Variants in PRKCB observed in about 807,000 individuals in gnomAD.
PRKCB encodes protein kinase C beta, also known as protein kinase C beta type.
PRKCB carries 13 observed loss-of-function variants against 81.5 expected under a neutral mutation model. That is an observed-to-expected ratio of 0.16 (90% CI 0.10 to 0.25). PRKCB has a LOEUF of 0.25. Among genes scored for constraint, PRKCB ranks in the 10% least tolerant of loss-of-function variants. The pLI, the probability that PRKCB is intolerant of heterozygous loss-of-function variation, is 1.00. For synonymous variants in PRKCB, 335 were observed against 321.4 expected, an observed-to-expected ratio of 1.04 and a Z score of -0.45; for missense variants, 509 against 875.7, an observed-to-expected ratio of 0.58 and a Z score of 5.29.
chr16:24,124,918 T>A (rs2141929490), intron 9 of PRKCB, among the ~76,000 whole-genome samples: 1 of 152,232 alleles, frequency 6.6e-6, no homozygotes, highest in South Asian at 2.1e-4. Flanking sequence ...TCAAAGTATA[T>A]CATGTATTCA....
intron 3 of PRKCB, among the ~76,000 whole-genome samples, chr16:24,025,385 A>T (rs1356176939): frequency 6.6e-6 from 1 of 152,232 alleles, no homozygotes; most frequent in Non-Finnish European, 1.5e-5. Context: ...TAGGGCTGTT[A>T]TGAGGATCGA....
chr16:24,064,055 G>C (rs1966004659), intron 5 of PRKCB, among the ~76,000 whole-genome samples: 2 of 151,986 alleles, frequency 1.3e-5, no homozygotes. Flanking sequence ...TTTGTTTCTA[G>C]GTGATTGTCT....
At chr16:24,015,292 GC>G (rs1371689286) in intron 3 of PRKCB, among the ~76,000 whole-genome samples, 1 of 152,164 alleles carries the variant, frequency 6.6e-6, no homozygotes, top group Non-Finnish European at 1.5e-5. Context: ...GAAAATCAAG[GC>G]TTATATAACT....
chr16:24,139,786 G>C (rs1239598502), intron 9 of PRKCB, among the ~76,000 whole-genome samples: 1 of 152,106 alleles, frequency 6.6e-6, no homozygotes. Flanking sequence ...AAAACCTTAC[G>C]TAATAAATCA....
intron 5 of PRKCB, among the ~76,000 whole-genome samples, chr16:24,085,271 G>A (rs1966298558): frequency 6.6e-6 from 1 of 151,980 alleles, no homozygotes; most frequent in Admixed American, 6.6e-5. Context: ...GTGGAGAGGA[G>A]GTCATAAGAA....
At chr16:24,098,374 T>G (rs777414679) in intron 7 of PRKCB, 8 of 152,204 alleles carry the variant, frequency 5.3e-5, no homozygotes, top group Non-Finnish European at 8.8e-5. Context: ...CTGAAATAAC[T>G]TTGCTCAGTT....
At position 24,216,893 on chromosome 16, in the gene PRKCB, G is replaced by A. The variant is rs1200168275; in HGVS notation, c.*2077G>A. 4.1e-6 allele frequency: 4 copies of A among 985,286 alleles called. No homozygotes were observed. Among genetic ancestry groups the A allele is most frequent in the Non-Finnish European group, 4.8e-6 (4 of 829,934 alleles). The allele number at this position is 985,286 out of a possible 1,614,324, so 61.0% of individuals were successfully genotyped here. A position where few individuals can be genotyped will look rare whatever the true frequency, so the allele number is the denominator to read the frequency against. On this transcript the variant is annotated 3_prime_UTR_variant, in exon 17 of 17. Coordinates refer to ENST00000643927, the MANE Select transcript of PRKCB (RefSeq NM_002738.7). ...TGGGTGTCCTGTCCAGAAAGTGCAG[G>A]GTGCTTTCTGCTCTGTAGCAAGGCA...
chr16:24,193,490 A>C (rs1967830694), intron 16 of PRKCB, among the ~76,000 whole-genome samples: 1 of 143,302 alleles, frequency 7.0e-6, no homozygotes, highest in Non-Finnish European at 1.5e-5. Context: ...TAAATAAATA[A>C]ATAAATAAAT....
At chr16:24,047,488 G>T (rs904818832) in intron 5 of PRKCB, among the ~76,000 whole-genome samples, 1 of 151,488 alleles carries the variant, frequency 6.6e-6, no homozygotes, top group South Asian at 2.1e-4. Context: ...CTATGATCTC[G>T]CTACTGCACT....
chr16:23,910,925 T>G (rs1963641884), intron 2 of PRKCB, among the ~76,000 whole-genome samples: 1 of 152,036 alleles, frequency 6.6e-6, no homozygotes. Flanking sequence ...AATCATACAA[T>G]GAATGATCCT....
At chr16:23,972,057 G>T (rs575150097) in intron 2 of PRKCB, among the ~76,000 whole-genome samples, 14 of 152,250 alleles carry the variant, frequency 9.2e-5, no homozygotes, top group Non-Finnish European at 1.5e-4. Context: ...TAGATGAATG[G>T]ATAAGCAAAC....
intron 9 of PRKCB, among the ~76,000 whole-genome samples, chr16:24,144,659 T>A (rs1199053716): frequency 1.1e-4 from 17 of 152,252 alleles, no homozygotes; most frequent in Admixed American, 1.1e-3. Flanking sequence ...TTCACTTGTT[T>A]GTTTCATGTA....
chr16:23,870,545 A>T (rs900544655), intron 2 of PRKCB, among the ~76,000 whole-genome samples: 2 of 152,206 alleles, frequency 1.3e-5, no homozygotes, highest in African/African-American at 4.8e-5. Flanking sequence ...CCTAAAGCAA[A>T]GTTTCCTTCT....
At chr16:24,214,527 C>T (rs935500374) in intron 16 of PRKCB, 131 bp from the exon 17 acceptor site, 1 of 748,146 alleles carries the variant, frequency 1.3e-6, no homozygotes, top group African/African-American at 1.8e-5. Flanking sequence ...TTTGAAACAA[C>T]CTCTCTGAGT....
chr16:23,964,179 G>A (rs1411549976), intron 2 of PRKCB, among the ~76,000 whole-genome samples: 3 of 152,216 alleles, frequency 2.0e-5, no homozygotes, highest in Admixed American at 6.5e-5. Flanking sequence ...CAAGTGCTCA[G>A]TATGTGCTCA....
chr16:24,083,790 G>A (rs1432587232), intron 5 of PRKCB, among the ~76,000 whole-genome samples: 5 of 152,112 alleles, frequency 3.3e-5, no homozygotes, highest in Admixed American at 6.5e-5. Context: ...GCATTAAAAT[G>A]TATAAATTTT....
chr16:24,213,821 A>T (rs1182687995), intron 16 of PRKCB, among the ~76,000 whole-genome samples: 1 of 152,200 alleles, frequency 6.6e-6, no homozygotes, highest in Non-Finnish European at 1.5e-5. Context: ...ATGTACATAC[A>T]CATATGTGTT....
chr16:24,094,354 T>C (rs1167068764), intron 7 of PRKCB, 57 bp downstream of exon 7: 2 of 1,576,764 alleles, frequency 1.3e-6, no homozygotes, highest in Non-Finnish European at 1.7e-6. Context: ...AAACGCGGGG[T>C]CAAGTATGTT....
chr16:23,983,568 A>G (rs971937622), intron 2 of PRKCB, among the ~76,000 whole-genome samples: 2 of 152,100 alleles, frequency 1.3e-5, no homozygotes, highest in African/African-American at 4.8e-5. Context: ...ATGACTGATG[A>G]TATTCATTTT....
Sources: allele counts gnomAD v4.1 joint callset (sites outside exome capture counted in the v4.1 genomes callset), GRCh38; gene constraint gnomAD v4.1.1; transcripts MANE v1.5; gene names NCBI Gene and HGNC (gene_info 2026-07-23, HGNC 2026-07-21).